Variants in KIF13B observed in about 807,000 individuals in gnomAD.
KIF13B encodes kinesin-like protein KIF13B.
KIF13B carries 127 observed loss-of-function variants against 222.0 expected under a neutral mutation model. The observed-to-expected ratio is 0.57, with a 90% CI of 0.50 to 0.66. KIF13B has a LOEUF of 0.66. Ranked by LOEUF, KIF13B falls within the 30% of genes least tolerant of loss-of-function variation. The pLI is 0.00. For synonymous variants in KIF13B, 976 were observed against 919.0 expected (o/e 1.06, Z -1.12); for missense variants, 2,173 against 2,379.0 (o/e 0.91, Z 1.80).
intron 3 of KIF13B, among the ~76,000 whole-genome samples, chr8:29,195,419 A>G (rs962663289): frequency 1.3e-5 from 2 of 152,040 alleles, no homozygotes; most frequent in African/African-American, 2.4e-5. Flanking sequence ...GTGGTTAGGG[A>G]AAAAAAATTT....
intron 5 of KIF13B, among the ~76,000 whole-genome samples, chr8:29,187,793 A>G (rs1474485081): frequency 6.6e-6 from 1 of 152,204 alleles, no homozygotes; most frequent in African/African-American, 2.4e-5. Context: ...TTTCCTAAGT[A>G]CCAGGACTTC....
intron 2 of KIF13B, among the ~76,000 whole-genome samples, chr8:29,210,055 C>G (rs1484748653): frequency 6.9e-6 from 1 of 144,050 alleles, no homozygotes; most frequent in Non-Finnish European, 1.5e-5. Flanking sequence ...GACCCTGTCT[C>G]AGAGAGAGAA....
At chr8:29,176,643 A>G (rs1812491595) in intron 9 of KIF13B, among the ~76,000 whole-genome samples, 1 of 152,208 alleles carries the variant, frequency 6.6e-6, no homozygotes. Context: ...TGAGCTAACA[A>G]TTTGGCTTGA....
intron 6 of KIF13B, among the ~76,000 whole-genome samples, chr8:29,183,030 A>G (rs2130292980): frequency 6.6e-6 from 1 of 152,244 alleles, no homozygotes; most frequent in East Asian, 1.9e-4. Context: ...AATTATAAAA[A>G]AGAATGTCAA....
chr8:29,093,456 A>G (rs1808389983), intron 36 of KIF13B, among the ~76,000 whole-genome samples: 1 of 152,222 alleles, frequency 6.6e-6, no homozygotes, highest in South Asian at 2.1e-4. Flanking sequence ...GATCAGAGGT[A>G]CAGACAGGTA....
intron 15 of KIF13B, among the ~76,000 whole-genome samples, chr8:29,149,272 T>C (rs1385614435): frequency 6.6e-6 from 1 of 152,202 alleles, no homozygotes; most frequent in African/African-American, 2.4e-5. Context: ...AGTTTACACG[T>C]CATTTAATTT....
chr8:29,163,844 A>G (rs1376255345), intron 12 of KIF13B, among the ~76,000 whole-genome samples: 1 of 152,226 alleles, frequency 6.6e-6, no homozygotes, highest in Non-Finnish European at 1.5e-5. Flanking sequence ...TATCAGCACA[A>G]TGACTCATGA....
At chr8:29,167,272 AAGTAG>A (rs1489733590) in intron 11 of KIF13B, 96 bp downstream of exon 11, 1 of 901,588 alleles carries the variant, frequency 1.1e-6, no homozygotes, top group East Asian at 2.7e-5. Context: ...CGCAAATTTT[AAGTAG>A]AGTACTCATC....
intron 9 of KIF13B, among the ~76,000 whole-genome samples, chr8:29,176,447 T>C (rs1238767249): frequency 6.6e-6 from 1 of 152,142 alleles, no homozygotes; most frequent in Non-Finnish European, 1.5e-5. Flanking sequence ...ACCAAAACCA[T>C]GTATCTTTAA....
intron 32 of KIF13B, among the ~76,000 whole-genome samples, chr8:29,110,291 C>T (rs924519003): frequency 1.5e-4 from 23 of 152,192 alleles, no homozygotes; most frequent in African/African-American, 4.3e-4. Flanking sequence ...TGAAACACAG[C>T]GCATTCTCAA....
intron 34 of KIF13B, among the ~76,000 whole-genome samples, chr8:29,108,511 C>T (rs1336463447): frequency 6.6e-6 from 1 of 152,240 alleles, no homozygotes; most frequent in Non-Finnish European, 1.5e-5. Flanking sequence ...TACTTGTTAT[C>T]TAACCATGGC....
chr8:29,183,786 T>C (rs1812815998), intron 6 of KIF13B, among the ~76,000 whole-genome samples: 1 of 152,200 alleles, frequency 6.6e-6, no homozygotes, highest in South Asian at 2.1e-4. Context: ...CCAAATGTGT[T>C]AGCTTCCGTC....
chr8:29,263,095 G>A (rs1393323628), upstream of KIF13B: 2 of 1,515,956 alleles, frequency 1.3e-6, no homozygotes, highest in African/African-American at 1.4e-5. Context: ...CGACTCTTCG[G>A]GGTTGACCCG....
Position 29,070,903 on chromosome 8 carries a change from C to T in KIF13B, c.5219-137G>A. The T allele has an allele frequency of 1.0e-6, 1 of 964,014 alleles. No individual in the cohort carries two copies. The highest frequency in any genetic ancestry group is 1.5e-6 in the Non-Finnish European group (1 of 647,812). The allele number at this position is 964,014 out of a possible 1,614,324, so 59.7% of individuals were successfully genotyped here. Reference sequence around the variant, plus strand: ...GCCCTACACAGCCAGCACTCGGACACTGGCCATTGTCTGGCAGGGACTGGC... The same window carrying T: ...GCCCTACACAGCCAGCACTCGGACATTGGCCATTGTCTGGCAGGGACTGGC... On this transcript the variant is annotated intron_variant, in intron 39 of 39. Coordinates refer to ENST00000524189, the MANE Select transcript of KIF13B (RefSeq NM_015254.4). The surrounding 1 kb of genome is among the most constrained non-coding windows in gnomAD (Gnocchi z 4.1).
At chr8:29,110,140 CACAG>C in intron 32 of KIF13B, 70 bp from the exon 33 acceptor site, 5 of 1,234,282 alleles carry the variant, frequency 4.1e-6, no homozygotes, top group Non-Finnish European at 5.7e-6. Context: ...CGCGTGCACA[CACAG>C]ACACACAGAA....
intron 3 of KIF13B, among the ~76,000 whole-genome samples, chr8:29,193,164 G>GT (rs1203984818): frequency 6.6e-6 from 1 of 152,196 alleles, no homozygotes; most frequent in Non-Finnish European, 1.5e-5. Flanking sequence ...GGAAGTGAAA[G>GT]CAGACCCCCA....
intron 36 of KIF13B, among the ~76,000 whole-genome samples, chr8:29,098,065 G>C (rs1390535896): frequency 6.6e-6 from 1 of 150,596 alleles, no homozygotes. Context: ...CAGCTACTTA[G>C]GAGGCTGAAG....
intron 10 of KIF13B, among the ~76,000 whole-genome samples, chr8:29,174,256 C>T (rs1392992230): frequency 6.6e-6 from 1 of 151,946 alleles, no homozygotes; most frequent in African/African-American, 2.4e-5. Context: ...TTTAAAGAAA[C>T]CTATTTACTC....
intron 2 of KIF13B, among the ~76,000 whole-genome samples, chr8:29,202,876 C>A (rs1240906011): frequency 2.0e-5 from 3 of 152,050 alleles, no homozygotes. Flanking sequence ...CCTCCATATA[C>A]CTAACTTAGG....
Sources: gnomAD v4.1 joint callset for allele counts (sites outside exome capture counted in the v4.1 genomes callset) on GRCh38, gnomAD v4.1.1 for gene constraint, Gnocchi (gnomAD v3.1) non-coding constraint, MANE v1.5 for transcripts, NCBI Gene and HGNC (gene_info 2026-07-23, HGNC 2026-07-21) for gene names.